The following PRKN variants were observed in gnomAD, a reference collection of about 807,000 sequenced individuals.
The protein encoded by PRKN is E3 ubiquitin-protein ligase parkin.
Under a neutral mutation model 59.5 loss-of-function variants are expected in PRKN, and 56 were observed. The observed-to-expected ratio is 0.94, with a 90% CI of 0.76 to 1.18. PRKN has a LOEUF of 1.18. PRKN is among the 50% of genes most tolerant of loss of function. The probability of loss-of-function intolerance (pLI) is 0.00; values close to 1 mark genes in which losing one functional copy is unlikely to be tolerated. For missense variants in PRKN, 657 were observed against 596.4 expected, an observed-to-expected ratio of 1.10 and a Z score of -1.06; for synonymous variants, 250 against 222.1, an observed-to-expected ratio of 1.13 and a Z score of -1.12.
intron 6 of PRKN, among the ~76,000 whole-genome samples, chr6:161,866,351 G>A (rs1337848643): frequency 2.6e-5 from 4 of 152,116 alleles, no homozygotes; most frequent in African/African-American, 9.7e-5. Flanking sequence ...CAAGGCGGGT[G>A]GATCACGAGG....
At chr6:162,061,928 C>T (rs922603322) in intron 4 of PRKN, among the ~76,000 whole-genome samples, 4 of 152,118 alleles carry the variant, frequency 2.6e-5, no homozygotes, top group African/African-American at 9.7e-5. Flanking sequence ...AAAAGACAGG[C>T]AAGTTGGAAG....
chr6:162,120,445 A>T lies in PRKN; in HGVS notation c.535-66271T>A, dbSNP rs148944286. Among the ~76,000 whole-genome samples the T allele has an allele frequency of 4.1e-4, 62 of 152,326 alleles. 1 individual carries two copies. In the East Asian group the frequency reaches 0.011, roughly 28 times the overall value. ...AGGACTTTCACCTAATAGGACAACCATGAGCTGGAGTAAGGGAAACATACA... is the reference window on the plus strand; with the variant it reads ...AGGACTTTCACCTAATAGGACAACCTTGAGCTGGAGTAAGGGAAACATACA... On this transcript the variant is annotated intron_variant, in intron 4 of 11. Transcript: ENST00000366898.
chr6:161,449,845 G>A (rs1191752906), intron 9 of PRKN, among the ~76,000 whole-genome samples: 1 of 152,152 alleles, frequency 6.6e-6, no homozygotes, highest in Non-Finnish European at 1.5e-5. Flanking sequence ...GAAAGTGCAG[G>A]AAAACAGAAG....
At chr6:162,235,786 G>A (rs566313187) in intron 3 of PRKN, among the ~76,000 whole-genome samples, 1 of 151,070 alleles carries the variant, frequency 6.6e-6, no homozygotes, top group East Asian at 2.0e-4. Flanking sequence ...CTGGGTGACA[G>A]AGCAAGACTC....
chr6:162,239,051 C>A (rs1396840012), intron 3 of PRKN, among the ~76,000 whole-genome samples: 1 of 152,186 alleles, frequency 6.6e-6, no homozygotes, highest in African/African-American at 2.4e-5. Context: ...CGCTAGCATA[C>A]TTCTCTGAAT....
At chr6:162,348,170 G>C (rs79565401) in intron 2 of PRKN, among the ~76,000 whole-genome samples, 1 of 152,180 alleles carries the variant, frequency 6.6e-6, no homozygotes, top group African/African-American at 2.4e-5. Context: ...ATACCCACCA[G>C]TGAAACTGAA....
intron 7 of PRKN, among the ~76,000 whole-genome samples, chr6:161,691,985 C>T (rs749569650): frequency 6.6e-5 from 10 of 151,108 alleles, no homozygotes; most frequent in African/African-American, 9.7e-5. Flanking sequence ...TCTGAGTTTG[C>T]CGATTTGTGG....
intron 2 of PRKN, among the ~76,000 whole-genome samples, chr6:162,387,823 G>A (rs1786931356): frequency 2.0e-5 from 3 of 152,196 alleles, no homozygotes; most frequent in African/African-American, 7.2e-5. Flanking sequence ...GCGTCAGGTG[G>A]AAATCTGCAT....
intron 6 of PRKN, among the ~76,000 whole-genome samples, chr6:161,824,313 G>A (rs746008952): frequency 6.6e-6 from 1 of 152,158 alleles, no homozygotes; most frequent in East Asian, 1.9e-4. Flanking sequence ...TGCAAGGTGC[G>A]ATTCTCATCA....
intron 7 of PRKN, among the ~76,000 whole-genome samples, chr6:161,700,156 C>T (rs1483678113): frequency 1.3e-5 from 2 of 151,926 alleles, no homozygotes; most frequent in Non-Finnish European, 2.9e-5. Context: ...ATTGCAGTGC[C>T]TGTTTGGCCC....
In PRKN at chr6:162,355,362, G is replaced by T. The variant is rs551678104; in HGVS notation, c.171+87948C>A. Among the ~76,000 whole-genome samples, 26 of 149,500 alleles carry T rather than the reference G, an allele frequency of 1.7e-4. 1 individual carries two copies. In the South Asian group the frequency reaches 5.2e-3, roughly 30 times the overall value. ...TTTTAAAAGGCAAGATATGAGAACT[G>T]GAACTTAAATTTTAACACCATCTGT... is the stretch of plus-strand genomic sequence containing the variant. On this transcript the variant is annotated intron_variant, in intron 2 of 11. Coordinates refer to ENST00000366898, the MANE Select transcript of PRKN (RefSeq NM_004562.3).
intron 4 of PRKN, among the ~76,000 whole-genome samples, chr6:162,151,666 A>T (rs758091320): frequency 9.2e-5 from 14 of 152,228 alleles, no homozygotes; most frequent in East Asian, 1.9e-4. Flanking sequence ...CCAGAAAAAA[A>T]TCTACCATGG....
At chr6:161,406,965 A>G (rs1268528766) in intron 9 of PRKN, among the ~76,000 whole-genome samples, 2 of 152,142 alleles carry the variant, frequency 1.3e-5, no homozygotes, top group Non-Finnish European at 2.9e-5. Context: ...GCTGACTTGG[A>G]AACATCATGA....
Position 161,467,354 on chromosome 6 carries a change from G to T in PRKN, c.1084-80477C>A, listed in dbSNP as rs755505307. Among the ~76,000 whole-genome samples the T allele has an allele frequency of 2.0e-5, 3 of 152,122 alleles. No individual in the cohort carries two copies. The highest frequency in any genetic ancestry group is 4.4e-5 in the Non-Finnish European group (3 of 68,024). On this transcript the variant is annotated intron_variant, in intron 9 of 11. Coordinates refer to ENST00000366898, the MANE Select transcript of PRKN (RefSeq NM_004562.3). The surrounding 1 kb of genome is among the most constrained non-coding windows in gnomAD (Gnocchi z 4.3). Reference sequence around the variant, plus strand: ...ATATAGACACATATAATACGAACACGATTCTAGCCCTATGGAGTATATACG... The same window carrying T: ...ATATAGACACATATAATACGAACACTATTCTAGCCCTATGGAGTATATACG...
chr6:162,249,323 A>G (rs12206070), intron 3 of PRKN, among the ~76,000 whole-genome samples: 19,876 of 152,250 alleles, frequency 0.13, 1,430 homozygotes, highest in South Asian at 0.26. Context: ...TTCTCATCTT[A>G]CCAGGATACA....
At chr6:161,750,378 A>C (rs902825818) in intron 7 of PRKN, among the ~76,000 whole-genome samples, 5 of 152,100 alleles carry the variant, frequency 3.3e-5, no homozygotes, top group African/African-American at 1.2e-4. Context: ...TGTTGAAACT[A>C]ATGTGTTGGA....
intron 6 of PRKN, among the ~76,000 whole-genome samples, chr6:161,898,241 A>T (rs1036158608): frequency 2.6e-5 from 4 of 152,116 alleles, no homozygotes; most frequent in African/African-American, 7.2e-5. Context: ...AATCAGATCA[A>T]TTTGGCACAG....
intron 2 of PRKN, among the ~76,000 whole-genome samples, chr6:162,412,581 T>C (rs1252716811): frequency 6.6e-6 from 1 of 152,114 alleles, no homozygotes; most frequent in Non-Finnish European, 1.5e-5. Flanking sequence ...CTTCTTGGTT[T>C]TGAATGTTTT....
At chr6:161,476,032 A>T (rs1425645863) in intron 9 of PRKN, among the ~76,000 whole-genome samples, 1 of 151,846 alleles carries the variant, frequency 6.6e-6, no homozygotes, top group Non-Finnish European at 1.5e-5. Context: ...TAAAAATACA[A>T]AAAAATTAGC....
Sources: allele counts gnomAD v4.1 joint callset (sites outside exome capture counted in the v4.1 genomes callset), GRCh38; gene constraint gnomAD v4.1.1; non-coding constraint Gnocchi (gnomAD v3.1); transcripts MANE v1.5; gene names NCBI Gene and HGNC (gene_info 2026-07-23, HGNC 2026-07-21).